PCDHGA5: variants seen among roughly 807,000 people sequenced by gnomAD.
The protein encoded by PCDHGA5 is protocadherin gamma subfamily A, 5.
In PCDHGA5, 36 loss-of-function variants were observed where a neutral mutation model predicts 56.7. The observed-to-expected ratio is 0.64, with a 90% CI of 0.49 to 0.84. The LOEUF (loss-of-function observed/expected upper bound fraction) is 0.84. Ranked by LOEUF, PCDHGA5 falls within the 40% of genes least tolerant of loss-of-function variation. PCDHGA5 has a pLI of 0.00. For synonymous variants in PCDHGA5, 563 were observed against 520.2 expected (o/e 1.08, Z -1.12); for missense variants, 1,305 against 1,201.5 (o/e 1.09, Z -1.27).
At chr5:141,403,214 G>A in intron 1 of PCDHGA5, 5 of 1,613,990 alleles carry the variant, frequency 3.1e-6, no homozygotes, top group Non-Finnish European at 4.2e-6. Context: ...GGTCACCGCG[G>A]GTAGGATAGA....
intron 1 of PCDHGA5, chr5:141,404,496 A>G (rs773471878): frequency 2.7e-5 from 43 of 1,613,778 alleles, no homozygotes; most frequent in East Asian, 2.2e-5. Context: ...GGTGTGCTGT[A>G]TGCTCTGTGC....
At position 141,365,312 on chromosome 5, in the gene PCDHGA5, G is replaced by T; in HGVS notation, c.982G>T (p.Val328Phe). ...GGTAGCTCAGGATGGAGGCGCTCTT[G>T]TTGCCAGCGCTAAGGTGGTGGTCAC... ...EVVAQDGGALVASAKVVVTVQ... is the reference protein window; with the variant it reads ...EVVAQDGGALFASAKVVVTVQ... Residue 328 changes from valine to phenylalanine, a missense_variant, in exon 1 of 4, where the codon GTT (valine) becomes TTT (phenylalanine). Val to Phe is a conservative substitution (Grantham distance 50, BLOSUM62 -1). Coordinates refer to ENST00000518069, the MANE Select transcript of PCDHGA5 (RefSeq NM_018918.3). The T allele has an allele frequency of 1.2e-6, 2 of 1,614,006 alleles. No individual in the cohort carries two copies. Among genetic ancestry groups the T allele is most frequent in the African/African-American group, 1.3e-5 (1 of 75,034 alleles).
intron 1 of PCDHGA5, among the ~76,000 whole-genome samples, chr5:141,386,362 G>A (rs1285554716): frequency 6.6e-6 from 1 of 152,108 alleles, no homozygotes; most frequent in African/African-American, 2.4e-5. Context: ...CTTGATTCCA[G>A]AGACCTTTGA....
At chr5:141,389,843 G>T (rs372102656) in intron 1 of PCDHGA5, 3 of 1,614,016 alleles carry the variant, frequency 1.9e-6, no homozygotes, top group Non-Finnish European at 2.5e-6. Context: ...CACCACTCTC[G>T]GCCACTGCCA....
intron 1 of PCDHGA5, chr5:141,385,685 C>T (rs1022994434): frequency 3.0e-6 from 1 of 331,334 alleles, no homozygotes; most frequent in Non-Finnish European, 4.5e-6. Flanking sequence ...CAGCTGTCTT[C>T]TCAGGATTCT....
intron 1 of PCDHGA5, chr5:141,420,344 T>G (rs2096490860): frequency 2.2e-6 from 3 of 1,394,808 alleles, no homozygotes; most frequent in African/African-American, 1.5e-5. Flanking sequence ...TATAGTGGTA[T>G]TATTTTAAGA....
At chr5:141,415,552 G>A in intron 1 of PCDHGA5, 1 of 1,614,098 alleles carries the variant, frequency 6.2e-7, no homozygotes, top group Admixed American at 1.7e-5. Context: ...TGAGAAAAAC[G>A]ATCCTTTGTC....
In PCDHGA5 at chr5:141,485,234, T is replaced by A. The variant is rs780126313; in HGVS notation, c.2422-9573T>A. 1 of 1,614,124 alleles carries A rather than the reference T, an allele frequency of 6.2e-7. No homozygotes were observed. The highest frequency in any genetic ancestry group is 1.1e-5 in the South Asian group (1 of 91,080). On this transcript the variant is annotated intron_variant, in intron 1 of 3. Transcript: ENST00000518069. This position sits in a 1 kb window ranked among gnomAD's most constrained non-coding sequence, Gnocchi z 5.7. ...GCGGTGGGCTACCCTTTTGTTCCTC[T>A]TTTACCACCTGGGTTACGTTTGTGG...
At chr5:141,419,756 G>A in intron 1 of PCDHGA5, 7 of 1,614,008 alleles carry the variant, frequency 4.3e-6, no homozygotes, top group East Asian at 2.2e-5. Flanking sequence ...GCGTGCTTTG[G>A]GTGACAAGGA....
chr5:141,480,955 G>A (rs2154578440), intron 1 of PCDHGA5, among the ~76,000 whole-genome samples: 1 of 152,304 alleles, frequency 6.6e-6, no homozygotes, highest in South Asian at 2.1e-4. Context: ...TGAGGCGGAA[G>A]CATCAGTGAG....
In PCDHGA5 at chr5:141,486,657, T is replaced by G. The variant is rs1171065175; in HGVS notation, c.2422-8150T>G. On this transcript the variant is annotated intron_variant, in intron 1 of 3. Transcript: ENST00000518069. The surrounding 1 kb of genome is among the most constrained non-coding windows in gnomAD (Gnocchi z 5.0). ...AATGCGCTTATCTCCTACTCACTCC[T>G]GGAGCCCAGGAATCGAGATGTATCA... 3 of 1,614,010 alleles carry G rather than the reference T, an allele frequency of 1.9e-6. No homozygotes were observed. Among genetic ancestry groups the G allele is most frequent in the Non-Finnish European group, 2.5e-6 (3 of 1,180,030 alleles).
At chr5:141,409,081 A>G (rs1220843821) in intron 1 of PCDHGA5, 3 of 1,613,820 alleles carry the variant, frequency 1.9e-6, no homozygotes, top group Non-Finnish European at 2.5e-6. Context: ...ATATGTTCTC[A>G]TTGGATGAGA....
Position 141,464,191 on chromosome 5 carries a change from G to C in PCDHGA5, c.2422-30616G>C, listed in dbSNP as rs185888723. Among the ~76,000 whole-genome samples, 583 of 151,818 alleles carry C rather than the reference G, an allele frequency of 3.8e-3. 6 individuals are homozygous for C. Among genetic ancestry groups the C allele is most frequent in the Admixed American group, 0.011 (166 of 15,202 alleles). On this transcript the variant is annotated intron_variant, in intron 1 of 3. Transcript: ENST00000518069. ...GAGGCAGGAGAATTGCTTGATTTCA[G>C]GAGGCGGAGATTGCAGTGAGCTGAG...
chr5:141,389,429 G>A (rs201662463), intron 1 of PCDHGA5: 149 of 1,610,654 alleles, frequency 9.3e-5, no homozygotes, highest in Non-Finnish European at 8.6e-5. Context: ...TGTTCGCGCA[G>A]CGCGCCTTCG....
intron 1 of PCDHGA5, chr5:141,428,335 T>G (rs535486665): frequency 3.3e-6 from 2 of 615,106 alleles, no homozygotes; most frequent in East Asian, 5.9e-5. Context: ...TTCTATGCTC[T>G]TCTTCCTCGC....
chr5:141,364,603 C>G lies in PCDHGA5; in HGVS notation c.273C>G (p.Asp91Glu). 1 of 1,614,180 alleles carries G rather than the reference C, an allele frequency of 6.2e-7. No homozygotes were observed. The highest frequency in any genetic ancestry group is 8.5e-7 in the Non-Finnish European group (1 of 1,179,998). Residue 91 changes from aspartate to glutamate, a missense_variant, in exon 1 of 4, where the codon GAC becomes GAG. Physicochemically the swap from Asp to Glu is conservative, Grantham distance 45 (BLOSUM62 2). Transcript: ENST00000518069. ...SGSLVTAGRI[D>E]REELCAQSPL... ...GCTTGGTCACCGCGGGCAGGATAGA[C>G]CGGGAGGAGCTCTGCGCTCAGAGCC...
intron 1 of PCDHGA5, chr5:141,393,203 C>T (rs988866288): frequency 6.2e-7 from 1 of 1,613,514 alleles, no homozygotes; most frequent in Admixed American, 1.7e-5. Context: ...ACGATAATAA[C>T]CCAAAATTCC....
intron 1 of PCDHGA5, among the ~76,000 whole-genome samples, chr5:141,450,485 T>A (rs1382219564): frequency 6.6e-6 from 1 of 152,160 alleles, no homozygotes; most frequent in Non-Finnish European, 1.5e-5. Flanking sequence ...GTTTGTTTGT[T>A]TGTCTGTTTG....
Position 141,486,632 on chromosome 5 carries a change from A to G in PCDHGA5, c.2422-8175A>G, listed in dbSNP as rs1304397413. The G allele has an allele frequency of 6.2e-7, 1 of 1,613,580 alleles. No individual in the cohort carries two copies. Among genetic ancestry groups the G allele is most frequent in the Non-Finnish European group, 8.5e-7 (1 of 1,180,040 alleles). ...AGCCTCTGACCCAGACTCTGGCTTG[A>G]ATGCGCTTATCTCCTACTCACTCCT... On this transcript the variant is annotated intron_variant, in intron 1 of 3. Coordinates refer to ENST00000518069, the MANE Select transcript of PCDHGA5 (RefSeq NM_018918.3). This position sits in a 1 kb window ranked among gnomAD's most constrained non-coding sequence, Gnocchi z 5.0.
Sources: gnomAD v4.1 joint callset for allele counts (sites outside exome capture counted in the v4.1 genomes callset) on GRCh38, gnomAD v4.1.1 for gene constraint, Gnocchi (gnomAD v3.1) non-coding constraint, MANE v1.5 for transcripts, NCBI Gene and HGNC (gene_info 2026-07-23, HGNC 2026-07-21) for gene names.